Variants in TOM1L2 observed in about 807,000 individuals in gnomAD.
TOM1L2 encodes the protein target of myb1 like 2 membrane trafficking protein, also known as TOM1-like protein 2.
Under a neutral mutation model 67.9 loss-of-function variants are expected in TOM1L2, and 31 were observed. That is an observed-to-expected ratio of 0.46 (90% confidence interval 0.34 to 0.62). The LOEUF (loss-of-function observed/expected upper bound fraction) is 0.62, where lower values mean the gene tolerates loss of function less well. Among genes scored for constraint, TOM1L2 ranks in the 20% least tolerant of loss-of-function variants. The probability of loss-of-function intolerance (pLI) is 0.01; values close to 1 mark genes in which losing one functional copy is unlikely to be tolerated. For missense variants in TOM1L2, 606 were observed against 663.5 expected (o/e 0.91, Z 0.95); for synonymous variants, 256 against 254.0 (o/e 1.01, Z -0.07).
intron 2 of TOM1L2, among the ~76,000 whole-genome samples, chr17:17,904,564 C>G (rs1191784751): frequency 1.3e-5 from 2 of 152,104 alleles, no homozygotes; most frequent in African/African-American, 4.8e-5. Context: ...ACCTAAGTGC[C>G]TGCGAAACCC....
chr17:17,955,400 G>T (rs1448131499), intron 1 of TOM1L2, among the ~76,000 whole-genome samples: 1 of 142,136 alleles, frequency 7.0e-6, no homozygotes, highest in Non-Finnish European at 1.5e-5. Flanking sequence ...GTACAGTGAC[G>T]ACATCTCTGC....
intron 2 of TOM1L2, among the ~76,000 whole-genome samples, chr17:17,901,570 C>T (rs75411982): frequency 0.025 from 3,773 of 152,334 alleles, 130 homozygotes; most frequent in African/African-American, 0.08. Context: ...AGCTTCAGGA[C>T]TACTCTCTGG....
Position 17,945,901 on chromosome 17 carries a change from C to T in TOM1L2, c.52+26361G>A, listed in dbSNP as rs115119456. ...GATGTCTATTTTTGAGACAAGGTCT[C>T]AGTGTCACCCAGGCTGGAGTGCAGT... On this transcript the variant is annotated intron_variant, in intron 1 of 14. Coordinates refer to ENST00000379504, the MANE Select transcript of TOM1L2 (RefSeq NM_001082968.2). 7.3e-3 allele frequency among the ~76,000 whole-genome samples: 1,106 copies of T among 152,282 alleles called. 17 individuals carry two copies. Among genetic ancestry groups the T allele is most frequent in the African/African-American group, 0.025 (1,025 of 41,546 alleles).
In TOM1L2 at chr17:17,968,740, A is replaced by C. The variant is rs116285429; in HGVS notation, c.52+3522T>G. 2.3e-3 allele frequency among the ~76,000 whole-genome samples: 353 copies of C among 151,068 alleles called. 2 individuals are homozygous for C. Among genetic ancestry groups the C allele is most frequent in the African/African-American group, 7.6e-3 (311 of 41,150 alleles). On this transcript the variant is annotated intron_variant, in intron 1 of 14. Transcript: ENST00000379504. ...GGGCTTCCTCCTGTGCCCAAACCCT[A>C]CTTGCCACCACTCCCCACAGCCACC...
intron 1 of TOM1L2, among the ~76,000 whole-genome samples, chr17:17,968,542 G>A (rs1329021925): frequency 6.6e-6 from 1 of 152,054 alleles, no homozygotes; most frequent in Non-Finnish European, 1.5e-5. Context: ...CCAGGCACCA[G>A]TAATCCCAGC....
chr17:17,923,935 A>G (rs541049729), intron 1 of TOM1L2, among the ~76,000 whole-genome samples: 1 of 152,148 alleles, frequency 6.6e-6, no homozygotes, highest in African/African-American at 2.4e-5. Flanking sequence ...CAGGAGTTTG[A>G]GACCAGCCTG....
Position 17,869,372 on chromosome 17 carries a change from A to G in TOM1L2, c.879T>C (p.Asp293=), listed in dbSNP as rs767047484. ...EVTEELLHVN[D]DLNNVFLRYE... The stretch of plus-strand genomic sequence containing the variant: ...ATCGAAGGAAGACGTTGTTGAGGTC[A>G]TCGTTCACATGCAGCAGCTCCTCGG... Residue 293 remains aspartate, a synonymous_variant, in exon 8 of 15, where the codon GAT becomes GAC. Transcript: ENST00000379504. The G allele has an allele frequency of 1.1e-5, 17 of 1,612,578 alleles. No individual in the cohort carries two copies. In the African/African-American group the frequency reaches 1.7e-4, roughly 16 times the overall value.
intron 12 of TOM1L2, 62 bp downstream of exon 12, chr17:17,861,414 G>C (rs2036552416): frequency 6.5e-7 from 1 of 1,538,456 alleles, no homozygotes; most frequent in Admixed American, 1.7e-5. Flanking sequence ...AGCCAGCTTT[G>C]CCAAACCACC....
At chr17:17,907,119 G>A (rs910205782) in intron 2 of TOM1L2, among the ~76,000 whole-genome samples, 11 of 152,246 alleles carry the variant, frequency 7.2e-5, no homozygotes, top group African/African-American at 2.7e-4. Context: ...AGGCCAGGGA[G>A]GAGGGGAGGG....
intron 1 of TOM1L2, among the ~76,000 whole-genome samples, chr17:17,966,938 T>TC (rs2041893810): frequency 6.6e-6 from 1 of 152,204 alleles, no homozygotes; most frequent in Non-Finnish European, 1.5e-5. Context: ...AACATCAGAC[T>TC]CCAAGTTCTT....
intron 1 of TOM1L2, among the ~76,000 whole-genome samples, chr17:17,964,095 A>T (rs1375644875): frequency 6.6e-6 from 1 of 152,190 alleles, no homozygotes; most frequent in Non-Finnish European, 1.5e-5. Flanking sequence ...AGGCTTGATG[A>T]CTGAATGGAG....
At chr17:17,943,078 G>C (rs2040802480) in intron 1 of TOM1L2, among the ~76,000 whole-genome samples, 1 of 152,186 alleles carries the variant, frequency 6.6e-6, no homozygotes. Flanking sequence ...CTTAGAAGCT[G>C]AGTCATGGGT....
At chr17:17,864,598 G>A (rs1444163968) in intron 10 of TOM1L2, among the ~76,000 whole-genome samples, 1 of 150,070 alleles carries the variant, frequency 6.7e-6, no homozygotes, top group East Asian at 2.0e-4. Flanking sequence ...TGCAACCTCC[G>A]CCTCCCGGGT....
chr17:17,888,623 C>G (rs2038111981), intron 4 of TOM1L2, among the ~76,000 whole-genome samples: 1 of 152,194 alleles, frequency 6.6e-6, no homozygotes, highest in Admixed American at 6.5e-5. Flanking sequence ...CACACACCTC[C>G]AGTTTCTCCT....
In TOM1L2 at chr17:17,893,755, T is replaced by C. The variant is rs1002369021; in HGVS notation, c.272A>G (p.Asn91Ser). Residue 91 changes from asparagine to serine, a missense_variant, in exon 4 of 15, where the codon AAC becomes AGC. Physicochemically the swap from Asn to Ser is conservative, Grantham distance 46. Around this residue, in one of 2 missense-constraint regions of TOM1L2, gnomAD observed 543 missense variants for 554.0 expected, o/e 0.98. Coordinates refer to ENST00000379504, the MANE Select transcript of TOM1L2 (RefSeq NM_001082968.2). ...CGHRFHILVA[N>S]RDFIDSVLVK... is the part of the protein sequence containing the mutation. Reference sequence around the variant, plus strand: ...CAGAACACTGTCGATGAAATCTCGGTTGGCCACAAGGATGTGGAAGCGGTG... The same window carrying C: ...CAGAACACTGTCGATGAAATCTCGGCTGGCCACAAGGATGTGGAAGCGGTG... 6 of 1,614,178 alleles carry C rather than the reference T, an allele frequency of 3.7e-6. No individual in the cohort carries two copies. The highest frequency in any genetic ancestry group is 1.3e-5 in the African/African-American group (1 of 75,042).
Position 17,879,747 on chromosome 17 carries a change from G to C in TOM1L2, c.661-4C>G, listed in dbSNP as rs1307502105. On this transcript the variant is annotated splice_region_variant and splice_polypyrimidine_tract_variant and intron_variant, in intron 6 of 14. Coordinates refer to ENST00000379504, the MANE Select transcript of TOM1L2 (RefSeq NM_001082968.2). ...GTTCACTCCGCAGCCTGGCAATCTG[G>C]TGGGGGCCACGAGGAAGGAAAGCAG... is the stretch of plus-strand genomic sequence containing the variant. The C allele has an allele frequency of 1.9e-6, 3 of 1,612,754 alleles. No individual in the cohort carries two copies. The highest frequency in any genetic ancestry group is 2.5e-6 in the Non-Finnish European group (3 of 1,178,680).
At chr17:17,939,547 GACTT>G (rs1482295018) in intron 1 of TOM1L2, among the ~76,000 whole-genome samples, 3 of 152,056 alleles carry the variant, frequency 2.0e-5, no homozygotes, top group African/African-American at 7.2e-5. Flanking sequence ...TGATTTGGGG[GACTT>G]ACTTCAAAAT....
chr17:17,852,343 C>G (rs534731622), intron 12 of TOM1L2, among the ~76,000 whole-genome samples: 14 of 152,304 alleles, frequency 9.2e-5, no homozygotes, highest in Admixed American at 4.6e-4. Context: ...TTTGGGGTCC[C>G]AGGTAGAGTC....
intron 1 of TOM1L2, among the ~76,000 whole-genome samples, chr17:17,959,321 T>A (rs1004637190): frequency 2.0e-5 from 3 of 152,092 alleles, no homozygotes; most frequent in African/African-American, 7.2e-5. Context: ...CTGAATTCAA[T>A]TGTAGGACAT....
Sources: gnomAD v4.1 joint callset for allele counts (sites outside exome capture counted in the v4.1 genomes callset) on GRCh38, gnomAD v4.1.1 for gene constraint, gnomAD v4.1.1 regional missense constraint, MANE v1.5 for transcripts, NCBI Gene and HGNC (gene_info 2026-07-23, HGNC 2026-07-21) for gene names.